ZFAND4: variants seen among roughly 807,000 people sequenced by gnomAD.
ZFAND4 encodes the protein AN1-type zinc finger protein 4.
In ZFAND4, 43 loss-of-function variants were observed where a neutral mutation model predicts 64.4. The observed-to-expected ratio is 0.67, with a 90% confidence interval of 0.52 to 0.86. ZFAND4 has a LOEUF of 0.86. ZFAND4 is among the 40% of genes least tolerant of loss of function. The pLI, the probability that ZFAND4 is intolerant of heterozygous loss-of-function variation, is 0.00. For missense variants in ZFAND4, 929 were observed against 859.8 expected, an observed-to-expected ratio of 1.08 and a Z score of -1.01; for synonymous variants, 296 against 305.7, an observed-to-expected ratio of 0.97 and a Z score of 0.33.
intron 6 of ZFAND4, among the ~76,000 whole-genome samples, chr10:45,632,239 T>A (rs912432557): frequency 3.9e-5 from 6 of 152,132 alleles, no homozygotes; most frequent in Non-Finnish European, 7.4e-5. Context: ...ACGCCTGTAA[T>A]CCTAGCTACT....
intron 5 of ZFAND4, among the ~76,000 whole-genome samples, chr10:45,647,686 G>T (rs2047479921): frequency 6.6e-6 from 1 of 152,062 alleles, no homozygotes. Flanking sequence ...CTCCATGAAG[G>T]TAGGAATAAT....
At chr10:45,633,734 G>A (rs1265342558) in intron 6 of ZFAND4, among the ~76,000 whole-genome samples, 1 of 151,610 alleles carries the variant, frequency 6.6e-6, no homozygotes, top group Non-Finnish European at 1.5e-5. Context: ...TAAATCATCT[G>A]TGTAGTATTC....
At chr10:45,668,154 T>C (rs1270752163) in intron 1 of ZFAND4, among the ~76,000 whole-genome samples, 1 of 152,232 alleles carries the variant, frequency 6.6e-6, no homozygotes, top group Non-Finnish European at 1.5e-5. Context: ...TTTACATATG[T>C]TGATGGATTT....
chr10:45,618,492 A>G (rs1487521300), intron 8 of ZFAND4, among the ~76,000 whole-genome samples: 1 of 152,232 alleles, frequency 6.6e-6, no homozygotes, highest in Non-Finnish European at 1.5e-5. Flanking sequence ...ATATTTTTAG[A>G]ACTTTTTATA....
intron 8 of ZFAND4, among the ~76,000 whole-genome samples, chr10:45,619,744 C>T (rs2045274160): frequency 1.3e-5 from 2 of 151,820 alleles, no homozygotes; most frequent in African/African-American, 4.8e-5. Context: ...TACACAAGCC[C>T]AGCAAAATTA....
At chr10:45,641,534 G>C (rs1054154085) in intron 5 of ZFAND4, among the ~76,000 whole-genome samples, 2 of 152,186 alleles carry the variant, frequency 1.3e-5, no homozygotes, top group African/African-American at 4.8e-5. Context: ...GAAATGTTCT[G>C]AAACTGTGGG....
At position 45,615,783 on chromosome 10, in the gene ZFAND4, C is replaced by T. The variant is rs1274098270; in HGVS notation, c.*653G>A. On this transcript the variant is annotated 3_prime_UTR_variant, in exon 10 of 10. Coordinates refer to ENST00000344646, the MANE Select transcript of ZFAND4 (RefSeq NM_174890.4). ...CATTCAAAAAGTAGTAAAATATACA[C>T]TATCATGAACACGATGTGTTTTATA... 2.6e-5 allele frequency: 4 copies of T among 151,964 alleles called. No individual in the cohort carries two copies. In the South Asian group the frequency reaches 8.3e-4, roughly 31 times the overall value. 9.4% of individuals were successfully genotyped at this position (151,964 alleles called of 1,614,324 possible).
At chr10:45,667,670 A>G (rs1408200832) in intron 1 of ZFAND4, among the ~76,000 whole-genome samples, 2 of 151,954 alleles carry the variant, frequency 1.3e-5, no homozygotes, top group African/African-American at 4.8e-5. Flanking sequence ...GGTTTTACCA[A>G]GTTGGCCAGG....
intron 1 of ZFAND4, among the ~76,000 whole-genome samples, chr10:45,670,396 T>G (rs2049102679): frequency 6.6e-6 from 1 of 152,070 alleles, no homozygotes; most frequent in African/African-American, 2.4e-5. Context: ...CCGGCTAATT[T>G]TTTTGCATTT....
intron 1 of ZFAND4, among the ~76,000 whole-genome samples, chr10:45,666,791 C>A (rs1276165373): frequency 6.6e-6 from 1 of 152,086 alleles, no homozygotes; most frequent in Non-Finnish European, 1.5e-5. Context: ...ATTGAATTGT[C>A]TTGGATCCTT....
chr10:45,620,086 A>C (rs1057007322), intron 8 of ZFAND4, among the ~76,000 whole-genome samples: 3 of 152,228 alleles, frequency 2.0e-5, no homozygotes, highest in Non-Finnish European at 4.4e-5. Context: ...ACAATGGTGG[A>C]AGAATCTCTG....
chr10:45,619,522 G>A (rs1199476078), intron 8 of ZFAND4, among the ~76,000 whole-genome samples: 3 of 152,156 alleles, frequency 2.0e-5, no homozygotes, highest in Admixed American at 6.5e-5. Context: ...AAGAAAGAAT[G>A]CAAGAACAAG....
chr10:45,658,203 A>G (rs551825182), intron 2 of ZFAND4, among the ~76,000 whole-genome samples: 21 of 152,336 alleles, frequency 1.4e-4, no homozygotes, highest in Non-Finnish European at 2.5e-4. Context: ...CTCATCCAAT[A>G]TGACTGGTAT....
At position 45,626,834 on chromosome 10, in the gene ZFAND4, T is replaced by G; in HGVS notation, c.989A>C (p.His330Pro). ...AGGTAGTTTGACGTTGCTACTGAAG[T>G]GAGACAGTGTGTTATTCTCCCAGCT... ...DNSWENNTLS[H>P]FSSNVKLPPQ... The change falls in exon 7 of 10, where the codon CAC becomes CCC. Residue 330 changes from histidine to proline, a missense_variant. By Grantham distance (77) the His-to-Pro change is moderately conservative (BLOSUM62 -2). Coordinates refer to ENST00000344646, the MANE Select transcript of ZFAND4 (RefSeq NM_174890.4). 1 of 1,614,204 alleles carries G rather than the reference T, an allele frequency of 6.2e-7. No individual in the cohort carries two copies. Among genetic ancestry groups the G allele is most frequent in the South Asian group, 1.1e-5 (1 of 91,082 alleles).
chr10:45,628,762 T>C (rs1000919577), intron 6 of ZFAND4, among the ~76,000 whole-genome samples: 3 of 151,886 alleles, frequency 2.0e-5, no homozygotes, highest in East Asian at 1.9e-4. Context: ...AAATCACTCA[T>C]AACCCATGCA....
chr10:45,669,539 C>T (rs965472511), intron 1 of ZFAND4, among the ~76,000 whole-genome samples: 1 of 152,168 alleles, frequency 6.6e-6, no homozygotes, highest in Admixed American at 6.5e-5. Context: ...ATGAGGCCAG[C>T]ATCATCCTGA....
At chr10:45,635,214 C>CAAAAAAAAAA (rs76130878) in intron 6 of ZFAND4, among the ~76,000 whole-genome samples, 10 of 68,284 alleles carry the variant, frequency 1.5e-4, no homozygotes, top group South Asian at 5.1e-4. Context: ...AAAAAAAAAA[C>CAAAAAAAAAA]AAAAAAAAAA....
intron 1 of ZFAND4, among the ~76,000 whole-genome samples, chr10:45,665,886 A>T (rs894088630): frequency 6.6e-6 from 1 of 152,168 alleles, no homozygotes; most frequent in African/African-American, 2.4e-5. Context: ...ATGTTCTAGG[A>T]TATATCAGTA....
intron 9 of ZFAND4, among the ~76,000 whole-genome samples, chr10:45,617,591 GAA>G (rs11362238): frequency 0.015 from 1,046 of 70,992 alleles, 6 homozygotes; most frequent in South Asian, 0.031. Context: ...TTACAGTACT[GAA>G]AAAAAAAAAA....
Sources: gnomAD v4.1 joint callset for allele counts (sites outside exome capture counted in the v4.1 genomes callset) on GRCh38, gnomAD v4.1.1 for gene constraint, MANE v1.5 for transcripts, NCBI Gene and HGNC (gene_info 2026-07-23, HGNC 2026-07-21) for gene names.